The following CDH18 variants were observed in gnomAD, a reference collection of about 807,000 sequenced individuals.
CDH18 encodes the protein cadherin-18.
A neutral mutation model predicts 67.9 loss-of-function variants in CDH18; 31 were observed. That is an observed-to-expected ratio of 0.46 (90% CI 0.34 to 0.62). The LOEUF (loss-of-function observed/expected upper bound fraction) is 0.62. CDH18 is among the 20% of genes least tolerant of loss of function. The pLI, the probability that CDH18 is intolerant of heterozygous loss-of-function variation, is 0.01. For synonymous variants in CDH18, 362 were observed against 347.2 expected (o/e 1.04, Z -0.48); for missense variants, 890 against 975.5 (o/e 0.91, Z 1.17).
rs981338710 is a variant in CDH18, at chr5:19,482,337, C to G, written c.1882+964G>C. On this transcript the variant is annotated intron_variant, in intron 12 of 12. Coordinates refer to ENST00000382275, the MANE Select transcript of CDH18 (RefSeq NM_004934.5). ...TTCACTGTGTTAGCCAGGATAGTCTCGATCTCCTGACTTCGTGATCCGCCC... is the reference window on the plus strand; with the variant it reads ...TTCACTGTGTTAGCCAGGATAGTCTGGATCTCCTGACTTCGTGATCCGCCC... Among the ~76,000 whole-genome samples the G allele has an allele frequency of 3.3e-5, 5 of 152,074 alleles. No individual in the cohort carries two copies. In the South Asian group the frequency reaches 1.0e-3, roughly 32 times the overall value.
intron 2 of CDH18, among the ~76,000 whole-genome samples, chr5:20,084,271 A>C (rs1477400355): frequency 1.3e-5 from 2 of 152,204 alleles, no homozygotes; most frequent in Non-Finnish European, 2.9e-5. Context: ...GGGCTGTCAA[A>C]TCTTAAAGCT....
intron 8 of CDH18, among the ~76,000 whole-genome samples, chr5:19,556,852 A>C (rs1014944928): frequency 5.3e-5 from 8 of 152,152 alleles, no homozygotes; most frequent in African/African-American, 1.9e-4. Context: ...AGATGAAGGA[A>C]AGGATCTTAA....
At chr5:19,531,609 T>A (rs915612425) in intron 9 of CDH18, among the ~76,000 whole-genome samples, 67 of 148,826 alleles carry the variant, frequency 4.5e-4, no homozygotes, top group African/African-American at 1.5e-3. Context: ...ATGTGTGTTC[T>A]CACACACACA....
intron 1 of CDH18, among the ~76,000 whole-genome samples, chr5:20,415,314 G>A (rs1289832170): frequency 2.0e-5 from 3 of 151,908 alleles, no homozygotes; most frequent in Non-Finnish European, 1.5e-5. Flanking sequence ...TGGAACTTGG[G>A]AGGCGGAGGT....
intron 2 of CDH18, among the ~76,000 whole-genome samples, chr5:20,184,264 C>T (rs999219068): frequency 1.1e-4 from 16 of 151,970 alleles, no homozygotes; most frequent in Admixed American, 5.3e-4. Context: ...TAATTTGTTA[C>T]GATTTGATTA....
At chr5:20,095,492 AGGGAG>A in intron 2 of CDH18, among the ~76,000 whole-genome samples, 1 of 112,282 alleles carries the variant, frequency 8.9e-6, no homozygotes, top group Non-Finnish European at 1.8e-5. Flanking sequence ...AGAGAGAGGG[AGGGAG>A]GGAGGGAGGG....
intron 3 of CDH18, among the ~76,000 whole-genome samples, chr5:19,785,654 CAAAAAAAAAAAAA>C (rs35498841): frequency 2.6e-4 from 1 of 3,904 alleles, no homozygotes; most frequent in African/African-American, 5.7e-4. Context: ...AACTCTGTCT[CAAAAAAAAAAAAA>C]AAAAAAAAAA....
In CDH18 at chr5:19,744,342, C is replaced by T. The variant is rs1581159860; in HGVS notation, c.523+2600G>A. ...AAGAATATTAACTTTTCACTATTCTCATCTTTCTTCCCAAACCCCAAATGA... is the reference window on the plus strand; with the variant it reads ...AAGAATATTAACTTTTCACTATTCTTATCTTTCTTCCCAAACCCCAAATGA... On this transcript the variant is annotated intron_variant, in intron 4 of 12. Transcript: ENST00000382275. 3.3e-5 allele frequency among the ~76,000 whole-genome samples: 5 copies of T among 152,278 alleles called. No individual in the cohort carries two copies. The South Asian group carries it at 1.0e-3, about 32-fold the overall frequency.
At chr5:19,853,263 A>G (rs566129204) in intron 2 of CDH18, among the ~76,000 whole-genome samples, 2 of 152,140 alleles carry the variant, frequency 1.3e-5, no homozygotes, top group South Asian at 2.1e-4. Context: ...CCTTTCCTCA[A>G]TGTATGTTCT....
intron 5 of CDH18, among the ~76,000 whole-genome samples, chr5:19,670,617 C>T (rs1057065473): frequency 3.3e-5 from 5 of 151,996 alleles, no homozygotes; most frequent in African/African-American, 9.7e-5. Context: ...GCTATGGCTG[C>T]GGGTGGAAAT....
chr5:20,110,704 A>G (rs1051695208), intron 2 of CDH18, among the ~76,000 whole-genome samples: 1 of 152,150 alleles, frequency 6.6e-6, no homozygotes, highest in African/African-American at 2.4e-5. Flanking sequence ...TATGTCAATG[A>G]CCCTTAGTGA....
intron 2 of CDH18, among the ~76,000 whole-genome samples, chr5:19,952,126 G>A (rs1159749061): frequency 2.0e-5 from 3 of 152,204 alleles, no homozygotes; most frequent in African/African-American, 7.2e-5. Flanking sequence ...TCAGCTAACT[G>A]CAACCTCCTC....
At chr5:20,344,203 A>T (rs997515618) in intron 1 of CDH18, among the ~76,000 whole-genome samples, 4 of 152,052 alleles carry the variant, frequency 2.6e-5, no homozygotes, top group Non-Finnish European at 4.4e-5. Flanking sequence ...AAAACTTACC[A>T]ATTGGCCCAA....
chr5:19,859,570 T>G (rs1021120958), intron 2 of CDH18, among the ~76,000 whole-genome samples: 1 of 152,170 alleles, frequency 6.6e-6, no homozygotes, highest in African/African-American at 2.4e-5. Flanking sequence ...CTGAAGCCTA[T>G]GAAACCTGTA....
At chr5:20,525,683 T>C (rs1252921757) in intron 1 of CDH18, among the ~76,000 whole-genome samples, 5 of 152,108 alleles carry the variant, frequency 3.3e-5, no homozygotes, top group Non-Finnish European at 7.4e-5. Flanking sequence ...CTCCAACTAA[T>C]CTGCAAGTGA....
At chr5:19,668,221 A>G (rs78789263) in intron 5 of CDH18, among the ~76,000 whole-genome samples, 6,014 of 152,138 alleles carry the variant, frequency 0.04, 387 homozygotes, top group African/African-American at 0.14. Flanking sequence ...GAATGAGACA[A>G]TATTAAGCTA....
intron 10 of CDH18, among the ~76,000 whole-genome samples, chr5:19,515,514 T>C (rs1245954062): frequency 2.0e-5 from 3 of 152,170 alleles, no homozygotes; most frequent in Non-Finnish European, 4.4e-5. Flanking sequence ...GTATCCTCTT[T>C]GTTTCATTAA....
At chr5:20,012,558 C>T (rs866332120) in intron 2 of CDH18, among the ~76,000 whole-genome samples, 23 of 152,008 alleles carry the variant, frequency 1.5e-4, no homozygotes, top group Middle Eastern at 3.4e-3. Context: ...ATAGAGCTAA[C>T]CAAGGAGGTG....
intron 1 of CDH18, among the ~76,000 whole-genome samples, chr5:19,983,431 A>T (rs1226424798): frequency 6.6e-6 from 1 of 152,184 alleles, no homozygotes; most frequent in Non-Finnish European, 1.5e-5. Flanking sequence ...TCTTCAATTT[A>T]TTTTACCAAC....
Sources: allele counts gnomAD v4.1 joint callset (sites outside exome capture counted in the v4.1 genomes callset), GRCh38; gene constraint gnomAD v4.1.1; transcripts MANE v1.5; gene names NCBI Gene and HGNC (gene_info 2026-07-23, HGNC 2026-07-21).